The following LAMA5 variants were observed in gnomAD, a reference collection of about 807,000 sequenced individuals.
The protein encoded by LAMA5 is laminin subunit alpha-5.
In LAMA5, 260 loss-of-function variants were observed where a neutral mutation model predicts 433.4. The observed-to-expected ratio is 0.60, with a 90% CI of 0.54 to 0.66. The LOEUF (loss-of-function observed/expected upper bound fraction) is 0.66, where lower values mean the gene tolerates loss of function less well. Ranked by LOEUF, LAMA5 falls within the 30% of genes least tolerant of loss-of-function variation. The probability of loss-of-function intolerance (pLI) is 0.00; values close to 1 mark genes in which losing one functional copy is unlikely to be tolerated. For missense variants in LAMA5, 5,378 were observed against 5,258.5 expected (o/e 1.02, Z -0.70); for synonymous variants, 2,620 against 2,226.6 (o/e 1.18, Z -4.97).
chr20:62,317,217 G>A (rs370441320), intron 55 of LAMA5, 128 bp downstream of exon 55: 2 of 1,225,998 alleles, frequency 1.6e-6, no homozygotes, highest in East Asian at 5.3e-5. Flanking sequence ...GTGGAGCTGA[G>A]GAAGGCCTGG....
chr20:62,310,707 A>G lies in LAMA5; in HGVS notation c.10404T>C (p.Phe3468=). 1.2e-6 allele frequency: 2 copies of G among 1,601,060 alleles called. No individual in the cohort carries two copies. Among genetic ancestry groups the G allele is most frequent in the Non-Finnish European group, 1.7e-6 (2 of 1,177,118 alleles). The change falls in exon 75 of 80, where the codon TTT becomes TTC. Residue 3468 remains phenylalanine, a synonymous_variant. Coordinates refer to ENST00000252999, the MANE Select transcript of LAMA5 (RefSeq NM_005560.6). The part of the protein sequence containing the change: ...GAEHPQPHTL[F]VGGLPASSHS... ...GGCTGCTGGCCGGGAGGCCGCCCAC[A>G]AAGAGGGTGTGGGGCTGGGGGTGCT...
Position 62,310,807 on chromosome 20 carries a change from T to C in LAMA5, c.10304A>G (p.Asn3435Ser). The change falls in exon 75 of 80, where the codon AAC becomes AGC. Residue 3435 changes from asparagine to serine, a missense_variant. By Grantham distance (46) the Asn-to-Ser change is conservative. Coordinates refer to ENST00000252999, the MANE Select transcript of LAMA5 (RefSeq NM_005560.6). ...WHKVSVRWEK[N>S]RILLVTDGAR... ...CCCGTCCGTCACCAGCAGGATCCGGTTCTTCTCCCAGCGCACGGAGACCTG... is the reference window on the plus strand; with the variant it reads ...CCCGTCCGTCACCAGCAGGATCCGGCTCTTCTCCCAGCGCACGGAGACCTG... The C allele has an allele frequency of 6.4e-7, 1 of 1,555,630 alleles. No individual in the cohort carries two copies.
In LAMA5 at chr20:62,319,866, G is replaced by C. The variant is rs1041818672; in HGVS notation, c.6760-71C>G. On this transcript the variant is annotated intron_variant, in intron 50 of 79. Coordinates refer to ENST00000252999, the MANE Select transcript of LAMA5 (RefSeq NM_005560.6). The stretch of plus-strand genomic sequence containing the variant: ...TCGGGGTGGCAAGGGAGGGCCTGGG[G>C]TCTGGGGGAGCGCCGAGGGTCCCAG... 3.3e-6 allele frequency: 4 copies of C among 1,225,742 alleles called. No individual in the cohort carries two copies. The Admixed American group carries it at 8.2e-5, about 25-fold the overall frequency. 75.9% of individuals were successfully genotyped at this position (1,225,742 alleles called of 1,614,324 possible).
chr20:62,350,580 G>A (rs1227979345), intron 6 of LAMA5, among the ~76,000 whole-genome samples: 3 of 152,156 alleles, frequency 2.0e-5, no homozygotes, highest in Admixed American at 6.5e-5. Flanking sequence ...AGGCAAGGGC[G>A]GGTCCCAAAT....
intron 2 of LAMA5, among the ~76,000 whole-genome samples, chr20:62,360,930 G>T (rs986244867): frequency 6.6e-6 from 1 of 152,056 alleles, no homozygotes; most frequent in Non-Finnish European, 1.5e-5. Context: ...TGTCAGTCCC[G>T]GCTTCCCTGC....
At chr20:62,348,832 C>T (rs1419961523) in intron 6 of LAMA5, among the ~76,000 whole-genome samples, 1 of 151,878 alleles carries the variant, frequency 6.6e-6, no homozygotes, top group East Asian at 1.9e-4. Context: ...CCAGAAGACA[C>T]CTCAGAAGAT....
chr20:62,315,719 T>C (rs1339871795), intron 58 of LAMA5, among the ~76,000 whole-genome samples: 1 of 152,128 alleles, frequency 6.6e-6, no homozygotes, highest in Non-Finnish European at 1.5e-5. Context: ...TAACTCCATT[T>C]CTACCCAAAG....
chr20:62,323,710 C>CGG, intron 44 of LAMA5, 40 bp from the exon 45 acceptor site: 1 of 1,589,676 alleles, frequency 6.3e-7, no homozygotes, highest in Non-Finnish European at 8.6e-7. Context: ...TGGCCCGTGG[C>CGG]GCCCACCCTC....
chr20:62,343,488 G>A (rs1417815891), intron 11 of LAMA5, among the ~76,000 whole-genome samples: 1 of 152,098 alleles, frequency 6.6e-6, no homozygotes, highest in Non-Finnish European at 1.5e-5. Context: ...AGAAATAGGT[G>A]ATACAGGCTG....
At chr20:62,312,811 C>T in intron 66 of LAMA5, 31 bp from the exon 67 acceptor site, 2 of 1,599,380 alleles carry the variant, frequency 1.3e-6, no homozygotes, top group Non-Finnish European at 8.5e-7. Flanking sequence ...CCAGGGCCAG[C>T]TGTGTCCCTG....
chr20:62,335,877 T>C (rs1168395434), intron 18 of LAMA5, among the ~76,000 whole-genome samples: 233 of 81,762 alleles, frequency 2.8e-3, no homozygotes, highest in Middle Eastern at 0.016. Flanking sequence ...CACCCCAACA[T>C]TCCCTCCAGG....
chr20:62,358,914 T>C (rs551809741), intron 2 of LAMA5, among the ~76,000 whole-genome samples: 1 of 152,232 alleles, frequency 6.6e-6, no homozygotes, highest in South Asian at 2.1e-4. Flanking sequence ...TGCCCTCCCA[T>C]GGGTCTCCAC....
intron 25 of LAMA5, 22 bp downstream of exon 25, chr20:62,333,353 C>A: frequency 6.2e-7 from 1 of 1,605,264 alleles, no homozygotes; most frequent in Non-Finnish European, 8.5e-7. Flanking sequence ...CACCCCGGTC[C>A]CACCGCACGC....
At chr20:62,340,987 C>T (rs1023795403) in intron 11 of LAMA5, among the ~76,000 whole-genome samples, 1 of 151,436 alleles carries the variant, frequency 6.6e-6, no homozygotes, top group African/African-American at 2.4e-5. Context: ...TGCAGTGAGC[C>T]GAGATCGTGC....
intron 1 of LAMA5, among the ~76,000 whole-genome samples, chr20:62,364,335 G>A (rs536459097): frequency 6.6e-6 from 1 of 152,190 alleles, no homozygotes; most frequent in Non-Finnish European, 1.5e-5. Context: ...AAGGCTGCTT[G>A]CTGGTCAAGA....
intron 2 of LAMA5, among the ~76,000 whole-genome samples, chr20:62,357,812 T>C (rs1985466293): frequency 2.0e-5 from 3 of 152,254 alleles, no homozygotes; most frequent in Admixed American, 1.3e-4. Flanking sequence ...AGAGGATGGG[T>C]TCCCAGCCAG....
At position 62,309,384 on chromosome 20, in the gene LAMA5, A is replaced by C; in HGVS notation, c.11040T>G (p.Ser3680=). ...CCCCCACTGCCCCGTGGACCTCCACAGAGCGAGTCATGGCGACGGGGGACC... is the reference window on the plus strand; with the variant it reads ...CCCCCACTGCCCCGTGGACCTCCACCGAGCGAGTCATGGCGACGGGGGACC... ...VNRSPVAMTR[S]VEVHGAVGAS... is the part of the protein sequence containing the mutation. The change falls in exon 80 of 80, where the codon TCT becomes TCG. Residue 3680 remains serine (S), a synonymous_variant. Coordinates refer to ENST00000252999, the MANE Select transcript of LAMA5 (RefSeq NM_005560.6). The C allele has an allele frequency of 6.3e-7, 1 of 1,590,596 alleles. No homozygotes were observed. The highest frequency in any genetic ancestry group is 1.1e-5 in the South Asian group (1 of 88,964).
At chr20:62,330,091 C>A (rs924974767) in intron 31 of LAMA5, among the ~76,000 whole-genome samples, 175 bp from the exon 32 acceptor site, 1 of 152,244 alleles carries the variant, frequency 6.6e-6, no homozygotes, top group Admixed American at 6.5e-5. Context: ...CGGGGGTTGG[C>A]CGCATCATGA....
chr20:62,356,738 G>A (rs185061586), intron 2 of LAMA5, among the ~76,000 whole-genome samples: 153 of 152,286 alleles, frequency 1.0e-3, no homozygotes, highest in African/African-American at 3.4e-3. Context: ...GCCCTGGAGC[G>A]GACACTTCCC....
Sources: allele counts gnomAD v4.1 joint callset (sites outside exome capture counted in the v4.1 genomes callset), GRCh38; gene constraint gnomAD v4.1.1; transcripts MANE v1.5; gene names NCBI Gene and HGNC (gene_info 2026-07-23, HGNC 2026-07-21).